RTTN: variants seen among roughly 807,000 people sequenced by gnomAD.
RTTN encodes rotatin.
In RTTN, 182 loss-of-function variants were observed where a neutral mutation model predicts 269.2. That is an observed-to-expected ratio of 0.68 (90% CI 0.60 to 0.76). The LOEUF (loss-of-function observed/expected upper bound fraction) is 0.76. Among genes scored for constraint, RTTN ranks in the 30% least tolerant of loss-of-function variants. RTTN has a pLI of 0.00. For missense variants in RTTN, 2,545 were observed against 2,608.6 expected (o/e 0.98, Z 0.53); for synonymous variants, 1,006 against 963.5 (o/e 1.04, Z -0.82).
chr18:70,108,031 T>C (rs2059367236), intron 28 of RTTN, among the ~76,000 whole-genome samples: 1 of 152,218 alleles, frequency 6.6e-6, no homozygotes, highest in East Asian at 1.9e-4. Flanking sequence ...TCCCAGCACT[T>C]TGGGAGGCCA....
At chr18:70,197,602 A>AC (rs779053686) in intron 6 of RTTN, 22 bp downstream of exon 6, 1 of 1,479,844 alleles carries the variant, frequency 6.8e-7, no homozygotes, top group Admixed American at 1.7e-5. Context: ...CAAAATCTAA[A>AC]ACAATTATAG....
chr18:70,163,302 A>T (rs1177539301), intron 14 of RTTN, among the ~76,000 whole-genome samples: 1 of 151,906 alleles, frequency 6.6e-6, no homozygotes, highest in Non-Finnish European at 1.5e-5. Flanking sequence ...GAATCACTTG[A>T]ACCCGGGAGG....
At chr18:70,057,318 C>A (rs1055402231) in intron 37 of RTTN, among the ~76,000 whole-genome samples, 3 of 152,182 alleles carry the variant, frequency 2.0e-5, no homozygotes, top group Non-Finnish European at 4.4e-5. Flanking sequence ...AAGAATAAAT[C>A]ATTTTTATCA....
intron 32 of RTTN, 66 bp from the exon 33 acceptor site, chr18:70,075,607 A>C: frequency 7.6e-7 from 1 of 1,310,106 alleles, no homozygotes; most frequent in Non-Finnish European, 1.0e-6. Context: ...AAAAAGATCC[A>C]TTGTCTCCTC....
At chr18:70,100,298 C>T (rs147994577) in intron 28 of RTTN, among the ~76,000 whole-genome samples, 1 of 152,210 alleles carries the variant, frequency 6.6e-6, no homozygotes, top group Non-Finnish European at 1.5e-5. Flanking sequence ...TCCTTCACAT[C>T]CCTTGTAAGT....
At chr18:70,033,122 G>T (rs996565915) in intron 40 of RTTN, among the ~76,000 whole-genome samples, 2 of 152,166 alleles carry the variant, frequency 1.3e-5, no homozygotes, top group African/African-American at 4.8e-5. Flanking sequence ...GTGAGATCTG[G>T]TTGTTTAAAA....
At chr18:70,082,363 A>G (rs1005023643) in intron 32 of RTTN, among the ~76,000 whole-genome samples, 10 of 152,298 alleles carry the variant, frequency 6.6e-5, no homozygotes, top group Admixed American at 6.5e-4. Flanking sequence ...ACTAAATTGG[A>G]TTATCTGTGA....
In RTTN at chr18:70,205,301, C is replaced by T. The variant is rs1260634322; in HGVS notation, c.46G>A (p.Glu16Lys). 7 of 1,614,182 alleles carry T rather than the reference C, an allele frequency of 4.3e-6. No homozygotes were observed. In the East Asian group the frequency reaches 1.1e-4, roughly 26 times the overall value. The change falls in exon 2 of 49, where the codon GAG becomes AAG. Residue 16 changes from glutamate (E) to lysine (K), a missense_variant. Transcript: ENST00000640769. ...LIRKLGHQLA[E>K]IRERALKSIL... Reference sequence around the variant, plus strand: ...CTCTTGAGAGCGCGCTCCCTGATCTCGGCCAGCTGATGACCTGTCAACGAA... The same window carrying T: ...CTCTTGAGAGCGCGCTCCCTGATCTTGGCCAGCTGATGACCTGTCAACGAA...
chr18:70,186,908 C>G (rs1423555642), intron 10 of RTTN, among the ~76,000 whole-genome samples: 1 of 152,128 alleles, frequency 6.6e-6, no homozygotes, highest in Non-Finnish European at 1.5e-5. Flanking sequence ...AATTACCTAT[C>G]GGGTACTAGG....
At chr18:70,060,111 A>G in intron 35 of RTTN, 69 bp from the exon 36 acceptor site, 2 of 1,266,694 alleles carry the variant, frequency 1.6e-6, no homozygotes, top group Non-Finnish European at 2.1e-6. Context: ...AAAAGTTCTT[A>G]TAATCATAGG....
intron 28 of RTTN, among the ~76,000 whole-genome samples, chr18:70,103,669 G>C (rs938855285): frequency 4.1e-5 from 6 of 147,598 alleles, no homozygotes; most frequent in African/African-American, 1.5e-4. Flanking sequence ...CTTTGTTCAA[G>C]TGTTTATCTG....
At chr18:70,007,470 C>T (rs926748910) in intron 46 of RTTN, 12 of 152,312 alleles carry the variant, frequency 7.9e-5, no homozygotes, top group African/African-American at 2.7e-4. Flanking sequence ...CTCAACAGAT[C>T]CCATACCCAT....
intron 14 of RTTN, among the ~76,000 whole-genome samples, chr18:70,164,543 T>C (rs376366556): frequency 5.2e-5 from 3 of 57,692 alleles, no homozygotes; most frequent in African/African-American, 9.4e-5. Flanking sequence ...TATATACATA[T>C]CACCATCAAA....
chr18:70,145,620 C>T lies in RTTN; in HGVS notation c.2473G>A (p.Val825Ile). ...ELRLDDRRELVIKLETVEKVY... is the reference protein window; with the variant it reads ...ELRLDDRRELIIKLETVEKVY... ...TCAAAATTTATAGTCACCTTAATAA[C>T]CAGCTCTCTTCTGTCATCCAGTCTG... The change falls in exon 18 of 49, where the codon GTT becomes ATT. Residue 825 changes from valine (V) to isoleucine (I), a missense_variant. Transcript: ENST00000640769. 1.3e-6 allele frequency: 2 copies of T among 1,597,252 alleles called. No homozygotes were observed. Among genetic ancestry groups the T allele is most frequent in the African/African-American group, 1.4e-5 (1 of 73,952 alleles).
chr18:70,010,042 C>T (rs2056321632), intron 46 of RTTN, among the ~76,000 whole-genome samples: 1 of 152,122 alleles, frequency 6.6e-6, no homozygotes, highest in South Asian at 2.1e-4. Context: ...ACTAACTATC[C>T]TAAATATATA....
At chr18:70,156,132 C>G (rs921488753) in intron 14 of RTTN, among the ~76,000 whole-genome samples, 3 of 152,198 alleles carry the variant, frequency 2.0e-5, no homozygotes, top group African/African-American at 7.2e-5. Flanking sequence ...TAAACTCTGA[C>G]TGCCGGTGAG....
chr18:70,163,803 G>A (rs1304624564), intron 14 of RTTN, among the ~76,000 whole-genome samples: 1 of 152,168 alleles, frequency 6.6e-6, no homozygotes, highest in Non-Finnish European at 1.5e-5. Context: ...CTCGAAAAGT[G>A]TCAGATTGTG....
In RTTN at chr18:70,128,534, AG is replaced by A. The variant is rs2059923206; in HGVS notation, c.2966del (p.Pro989LeufsTer4). On this transcript the variant is annotated frameshift_variant, in exon 24 of 49. Coordinates refer to ENST00000640769, the MANE Select transcript of RTTN (RefSeq NM_173630.4). LOFTEE classifies it high-confidence loss of function. ...PVSVFRRYHL[P>X]VHVIGHHAVS... The stretch of plus-strand genomic sequence containing the variant: ...CAGCATGGTGTCCAATTACATGAAC[AG>A]GTAGATGGTACCTAAAGAAAATGTG... 1 of 1,612,210 alleles carries A rather than the reference AG, an allele frequency of 6.2e-7. No homozygotes were observed. The highest frequency in any genetic ancestry group is 1.3e-5 in the African/African-American group (1 of 74,846).
At chr18:70,108,925 T>C (rs2059391825) in intron 28 of RTTN, among the ~76,000 whole-genome samples, 1 of 152,074 alleles carries the variant, frequency 6.6e-6, no homozygotes, top group African/African-American at 2.4e-5. Flanking sequence ...TGTTTTGATA[T>C]TGGAAATAAG....
Sources: gnomAD v4.1 joint callset for allele counts (sites outside exome capture counted in the v4.1 genomes callset) on GRCh38, gnomAD v4.1.1 for gene constraint, MANE v1.5 for transcripts, NCBI Gene and HGNC (gene_info 2026-07-23, HGNC 2026-07-21) for gene names.